Variants in EXT1 observed in about 807,000 individuals in gnomAD.
EXT1 encodes the protein exostosin glycosyltransferase 1.
EXT1 carries 20 observed loss-of-function variants against 82.5 expected under a neutral mutation model. That is an observed-to-expected ratio of 0.24 (90% CI 0.17 to 0.35). The LOEUF (loss-of-function observed/expected upper bound fraction) is 0.35, where lower values mean the gene tolerates loss of function less well. EXT1 is among the 10% of genes least tolerant of loss of function. EXT1 has a pLI of 1.00. For synonymous variants in EXT1, 348 were observed against 350.8 expected (o/e 0.99, Z 0.09); for missense variants, 757 against 936.5 (o/e 0.81, Z 2.50).
At chr8:117,945,588 G>A (rs1165894269) in intron 1 of EXT1, among the ~76,000 whole-genome samples, 2 of 150,032 alleles carry the variant, frequency 1.3e-5, no homozygotes, top group African/African-American at 2.5e-5. Flanking sequence ...TGTAACCTCC[G>A]CCTCCCAGGT....
At chr8:118,022,139 A>C (rs1816113885) in intron 1 of EXT1, among the ~76,000 whole-genome samples, 1 of 152,078 alleles carries the variant, frequency 6.6e-6, no homozygotes, top group Admixed American at 6.6e-5. Flanking sequence ...AGGTAAACCA[A>C]CCATCAGTGA....
chr8:118,107,493 C>T (rs1161350067), intron 1 of EXT1, among the ~76,000 whole-genome samples: 1 of 152,142 alleles, frequency 6.6e-6, no homozygotes, highest in East Asian at 1.9e-4. Context: ...GTCTACAGAC[C>T]TAACTTCAAT....
Position 118,052,772 on chromosome 8 carries a change from G to C in EXT1, c.962+57313C>G, listed in dbSNP as rs575217053. On this transcript the variant is annotated intron_variant, in intron 1 of 10. Transcript: ENST00000378204. ...TAAGGAAAGTTAACAAGAAGCAAAC[G>C]TTATTAAATAGCCTCTGTTTAGGAT... Among the ~76,000 whole-genome samples, 3 of 152,196 alleles carry C rather than the reference G, an allele frequency of 2.0e-5. No homozygotes were observed. The East Asian group carries it at 5.8e-4, about 29-fold the overall frequency.
At chr8:118,056,676 G>A (rs1277620979) in intron 1 of EXT1, among the ~76,000 whole-genome samples, 1 of 152,136 alleles carries the variant, frequency 6.6e-6, no homozygotes, top group Non-Finnish European at 1.5e-5. Context: ...GCCTAGTGCT[G>A]GGGGGTCCTC....
chr8:117,928,206 G>A (rs770332507), intron 1 of EXT1, among the ~76,000 whole-genome samples: 13 of 152,186 alleles, frequency 8.5e-5, no homozygotes, highest in Non-Finnish European at 1.5e-4. Context: ...ACCAGAGAAT[G>A]AACAGTTAGT....
chr8:118,000,114 G>A (rs184472275), intron 1 of EXT1, among the ~76,000 whole-genome samples: 20 of 152,110 alleles, frequency 1.3e-4, no homozygotes, highest in Non-Finnish European at 1.6e-4. Flanking sequence ...TGTTGCTTGC[G>A]TTTAATCAAA....
At chr8:117,888,751 T>A (rs1428269128) in intron 1 of EXT1, among the ~76,000 whole-genome samples, 1 of 152,176 alleles carries the variant, frequency 6.6e-6, no homozygotes, top group Non-Finnish European at 1.5e-5. Flanking sequence ...TCCTCCCCAT[T>A]TGCCTTCCAT....
intron 1 of EXT1, among the ~76,000 whole-genome samples, chr8:117,916,999 A>T (rs995207506): frequency 1.3e-5 from 2 of 152,220 alleles, no homozygotes; most frequent in African/African-American, 2.4e-5. Flanking sequence ...AGAAACATAT[A>T]GGTAATTGAA....
chr8:117,999,972 ATG>A (rs750993766), intron 1 of EXT1, among the ~76,000 whole-genome samples: 3 of 147,894 alleles, frequency 2.0e-5, no homozygotes, highest in African/African-American at 7.4e-5. Flanking sequence ...ATATATATAT[ATG>A]TGTGTGTGTA....
chr8:118,106,854 A>G (rs1817810081), intron 1 of EXT1, among the ~76,000 whole-genome samples: 1 of 152,182 alleles, frequency 6.6e-6, no homozygotes, highest in Non-Finnish European at 1.5e-5. Context: ...CATTATCCAC[A>G]TGTGTTAAAA....
chr8:118,068,487 C>A (rs917813032), intron 1 of EXT1, among the ~76,000 whole-genome samples: 2 of 152,150 alleles, frequency 1.3e-5, no homozygotes, highest in South Asian at 4.1e-4. Context: ...ACCCCGCTCT[C>A]CCCCGACAGG....
At chr8:117,952,740 A>G (rs17430951) in intron 1 of EXT1, among the ~76,000 whole-genome samples, 1 of 152,058 alleles carries the variant, frequency 6.6e-6, no homozygotes, top group Non-Finnish European at 1.5e-5. Context: ...CAGCCTGAGC[A>G]ACACAGGGAG....
chr8:117,920,884 C>A (rs1464963385), intron 1 of EXT1, among the ~76,000 whole-genome samples: 1 of 152,064 alleles, frequency 6.6e-6, no homozygotes, highest in Non-Finnish European at 1.5e-5. Flanking sequence ...TTGGGTGCCA[C>A]CAGTTTGCTC....
intron 1 of EXT1, among the ~76,000 whole-genome samples, chr8:117,848,516 G>A (rs1038879843): frequency 6.6e-6 from 1 of 152,124 alleles, no homozygotes; most frequent in Non-Finnish European, 1.5e-5. Context: ...GAAAATTTAA[G>A]CACTGGATTG....
At chr8:117,942,112 C>A (rs758848939) in intron 1 of EXT1, among the ~76,000 whole-genome samples, 8 of 152,180 alleles carry the variant, frequency 5.3e-5, no homozygotes, top group Admixed American at 6.5e-5. Context: ...TTAATTTTAA[C>A]ATGGAGGACC....
intron 1 of EXT1, among the ~76,000 whole-genome samples, chr8:117,850,027 C>T (rs909964049): frequency 6.6e-6 from 1 of 152,136 alleles, no homozygotes; most frequent in African/African-American, 2.4e-5. Flanking sequence ...GGCCATGAGT[C>T]CCAGTTTTCC....
At chr8:118,092,130 G>T (rs1221948475) in intron 1 of EXT1, among the ~76,000 whole-genome samples, 1 of 152,120 alleles carries the variant, frequency 6.6e-6, no homozygotes, top group Non-Finnish European at 1.5e-5. Context: ...AATATATTTG[G>T]AGGAAAATAA....
At chr8:118,087,687 A>T (rs1417192768) in intron 1 of EXT1, among the ~76,000 whole-genome samples, 2 of 152,128 alleles carry the variant, frequency 1.3e-5, no homozygotes, top group South Asian at 2.1e-4. Flanking sequence ...CAGAAAAAAA[A>T]TTTTTTAATA....
chr8:118,075,720 C>T (rs1236481335), intron 1 of EXT1, among the ~76,000 whole-genome samples: 1 of 152,068 alleles, frequency 6.6e-6, no homozygotes, highest in East Asian at 1.9e-4. Context: ...TGCTCGGGTT[C>T]TCCTGAGGCC....
Sources: allele counts gnomAD v4.1 joint callset (sites outside exome capture counted in the v4.1 genomes callset), GRCh38; gene constraint gnomAD v4.1.1; transcripts MANE v1.5; gene names NCBI Gene and HGNC (gene_info 2026-07-23, HGNC 2026-07-21).